Variants in SLC30A9 observed in about 807,000 individuals in gnomAD.
The protein encoded by SLC30A9 is solute carrier family 30 member 9, also known as proton-coupled zinc antiporter SLC30A9, mitochondrial.
A neutral mutation model predicts 87.5 loss-of-function variants in SLC30A9; 58 were observed. That is an observed-to-expected ratio of 0.66 (90% CI 0.54 to 0.82). The LOEUF is 0.82. Ranked by LOEUF, SLC30A9 falls within the 40% of genes least tolerant of loss-of-function variation. The pLI, the probability that SLC30A9 is intolerant of heterozygous loss-of-function variation, is 0.00. For synonymous variants in SLC30A9, 234 were observed against 233.0 expected (o/e 1.00, Z -0.04); for missense variants, 557 against 679.1 (o/e 0.82, Z 2.00).
Position 42,062,968 on chromosome 4 carries a change from T to C in SLC30A9, c.897-18T>C. Reference sequence around the variant, plus strand: ...CCATTTGTATTTCTTGCGAACTATATTCTTTTCTATTTTTCAGGTACGGAT... The same window carrying C: ...CCATTTGTATTTCTTGCGAACTATACTCTTTTCTATTTTTCAGGTACGGAT... On this transcript the variant is annotated intron_variant, in intron 10 of 17. Transcript: ENST00000264451. The C allele has an allele frequency of 1.2e-6, 2 of 1,605,354 alleles. No individual in the cohort carries two copies. The highest frequency in any genetic ancestry group is 1.7e-6 in the Non-Finnish European group (2 of 1,175,080).
chr4:42,074,530 C>A (rs1294816107), intron 15 of SLC30A9, among the ~76,000 whole-genome samples: 1 of 152,094 alleles, frequency 6.6e-6, no homozygotes, highest in Non-Finnish European at 1.5e-5. Flanking sequence ...ATCTGCTTTC[C>A]TGTCTGGGAG....
At position 42,075,688 on chromosome 4, in the gene SLC30A9, G is replaced by A. The variant is rs2153141032; in HGVS notation, c.1450G>A (p.Gly484Arg). Reference sequence around the variant, plus strand: ...TCATGATGTTAAAGCCACAGATCTGGGATTAGGTAAAGTAAGATTTAAGGC... The same window carrying A: ...TCATGATGTTAAAGCCACAGATCTGAGATTAGGTAAAGTAAGATTTAAGGC... ...AIHDVKATDL[G>R]LGKVRFKAEV... Residue 484 changes from glycine (G) to arginine (R), a missense_variant, in exon 16 of 18, where the codon GGA becomes AGA. Transcript: ENST00000264451. 6.2e-7 allele frequency: 1 copy of A among 1,613,620 alleles called. No individual in the cohort carries two copies. Among genetic ancestry groups the A allele is most frequent in the Non-Finnish European group, 8.5e-7 (1 of 1,179,794 alleles).
chr4:42,031,495 T>G (rs1427560544), intron 6 of SLC30A9, among the ~76,000 whole-genome samples: 1 of 152,260 alleles, frequency 6.6e-6, no homozygotes, highest in Non-Finnish European at 1.5e-5. Context: ...CATAGAATTC[T>G]ATAAATGCTT....
chr4:42,037,205 A>G (rs891476344), intron 7 of SLC30A9, among the ~76,000 whole-genome samples: 34 of 146,302 alleles, frequency 2.3e-4, no homozygotes, highest in Non-Finnish European at 4.2e-4. Flanking sequence ...TCTAAAACAT[A>G]GGGCTAATCC....
intron 6 of SLC30A9, among the ~76,000 whole-genome samples, chr4:42,026,103 T>G (rs1716181616): frequency 6.6e-6 from 1 of 152,234 alleles, no homozygotes; most frequent in Non-Finnish European, 1.5e-5. Context: ...TAGCCAGGAC[T>G]ACAGGTGTGT....
At position 42,090,389 on chromosome 4, in the gene SLC30A9, A is replaced by G. The variant is rs1474205467; in HGVS notation, c.*4263A>G. ...ATTTCATCTGTCTGATTTCCCTGGC[A>G]CATTAAGATGGTCCTGGTCCCTCAG... On this transcript the variant is annotated 3_prime_UTR_variant, in exon 18 of 18. Transcript: ENST00000264451. 1.3e-5 allele frequency: 2 copies of G among 152,228 alleles called. No individual in the cohort carries two copies. Among genetic ancestry groups the G allele is most frequent in the Non-Finnish European group, 2.9e-5 (2 of 68,032 alleles). 9.4% of individuals were successfully genotyped at this position (152,228 alleles called of 1,614,324 possible).
Position 42,087,720 on chromosome 4 carries a change from A to G in SLC30A9, c.*1594A>G, listed in dbSNP as rs986941506. On this transcript the variant is annotated 3_prime_UTR_variant, in exon 18 of 18. Transcript: ENST00000264451. The stretch of plus-strand genomic sequence containing the variant: ...ATATATAATTTGATACTCTATTCTT[A>G]CAGTTTCAAATTCCTTATCCCTTCT... The G allele has an allele frequency of 6.6e-6, 1 of 151,114 alleles. No homozygotes were observed. Among genetic ancestry groups the G allele is most frequent in the Non-Finnish European group, 1.5e-5 (1 of 67,846 alleles). The allele number at this position is 151,114 out of a possible 1,614,324, so 9.4% of individuals were successfully genotyped here.
At chr4:42,081,681 G>C (rs1407781505) in intron 17 of SLC30A9, among the ~76,000 whole-genome samples, 1 of 151,820 alleles carries the variant, frequency 6.6e-6, no homozygotes, top group Non-Finnish European at 1.5e-5. Context: ...CTAAATATTT[G>C]CTTTACATTT....
chr4:42,007,974 T>C (rs868214070), intron 2 of SLC30A9, among the ~76,000 whole-genome samples: 22 of 152,188 alleles, frequency 1.4e-4, no homozygotes, highest in Admixed American at 9.8e-4. Flanking sequence ...TAGTTACCCA[T>C]AGAACAAAGC....
intron 12 of SLC30A9, 89 bp from the exon 13 acceptor site, chr4:42,066,461 G>A: frequency 1.4e-6 from 1 of 719,834 alleles, no homozygotes; most frequent in Admixed American, 2.6e-5. Flanking sequence ...TTAAAATGTT[G>A]TGCTTATTTG....
intron 9 of SLC30A9, among the ~76,000 whole-genome samples, chr4:42,052,193 A>T (rs932404177): frequency 1.3e-5 from 2 of 152,142 alleles, no homozygotes; most frequent in South Asian, 4.1e-4. Flanking sequence ...ATACTTAGAG[A>T]TAAATCTAGC....
chr4:42,040,700 G>T (rs1418694872), intron 8 of SLC30A9, among the ~76,000 whole-genome samples: 1 of 150,722 alleles, frequency 6.6e-6, no homozygotes, highest in African/African-American at 2.4e-5. Context: ...AGAGGCTGAG[G>T]CAGGAGAATG....
rs1717756363 is a variant in SLC30A9 at position 42,059,410 on chromosome 4, A to G, written c.841-781A>G. ...AGTTCCAGTGGATAACTCTTTAACA[A>G]AGGGCAAAACTTTAAAAACCACCTA... On this transcript the variant is annotated intron_variant, in intron 9 of 17. Coordinates refer to ENST00000264451, the MANE Select transcript of SLC30A9 (RefSeq NM_006345.4). Among the ~76,000 whole-genome samples, 4 of 152,190 alleles carry G rather than the reference A, an allele frequency of 2.6e-5. No individual in the cohort carries two copies. In the South Asian group the frequency reaches 8.3e-4, roughly 32 times the overall value.
chr4:42,026,814 T>C (rs1451803761), intron 6 of SLC30A9, among the ~76,000 whole-genome samples: 1 of 152,112 alleles, frequency 6.6e-6, no homozygotes, highest in Non-Finnish European at 1.5e-5. Context: ...TAATCTTTCT[T>C]ACCACCCTAT....
At position 42,086,182 on chromosome 4, in the gene SLC30A9, C is replaced by A; in HGVS notation, c.*56C>A. The A allele has an allele frequency of 8.7e-7, 1 of 1,147,276 alleles. No individual in the cohort carries two copies. The highest frequency in any genetic ancestry group is 1.3e-6 in the Non-Finnish European group (1 of 793,320). The allele number at this position is 1,147,276 out of a possible 1,614,324, so 71.1% of individuals were successfully genotyped here. A position where few individuals can be genotyped will look rare whatever the true frequency, so the allele number is the denominator to read the frequency against. On this transcript the variant is annotated 3_prime_UTR_variant, in exon 18 of 18. Transcript: ENST00000264451. ...CCTTGGAAACAAGTTTGTCCGTCCA[C>A]TCTACAAAGTTTCCTCCTCTCCTAC...
intron 15 of SLC30A9, among the ~76,000 whole-genome samples, chr4:42,074,427 A>T (rs1463011033): frequency 6.6e-6 from 1 of 152,220 alleles, no homozygotes; most frequent in Non-Finnish European, 1.5e-5. Context: ...TACAGTGATC[A>T]CTGTAGAAAG....
intron 12 of SLC30A9, 53 bp from the exon 13 acceptor site, chr4:42,066,497 A>G: frequency 8.5e-7 from 1 of 1,169,898 alleles, no homozygotes; most frequent in Non-Finnish European, 1.2e-6. Context: ...GCCATCTTTA[A>G]AGTTTGGAGG....
rs1416234012 is a variant in SLC30A9 at position 42,086,618 on chromosome 4, T to TA, written c.*493dup. Reference sequence around the variant, plus strand: ...CTCCGTTTCAAAGTCTGTCTTTCCTTATAGAATGTGGAAATTATTTCTCCA... The same window carrying TA: ...CTCCGTTTCAAAGTCTGTCTTTCCTTAATAGAATGTGGAAATTATTTCTCCA... On this transcript the variant is annotated 3_prime_UTR_variant, in exon 18 of 18. Coordinates refer to ENST00000264451, the MANE Select transcript of SLC30A9 (RefSeq NM_006345.4). 2 of 152,718 alleles carry TA rather than the reference T, an allele frequency of 1.3e-5. No homozygotes were observed. Among genetic ancestry groups the TA allele is most frequent in the Non-Finnish European group, 2.9e-5 (2 of 68,088 alleles). 9.5% of individuals were successfully genotyped at this position (152,718 alleles called of 1,614,324 possible). A position where few individuals can be genotyped will look rare whatever the true frequency, so the allele number is the denominator to read the frequency against.
intron 1 of SLC30A9, among the ~76,000 whole-genome samples, chr4:41,997,257 T>C (rs1714761510): frequency 6.6e-6 from 1 of 152,032 alleles, no homozygotes; most frequent in Non-Finnish European, 1.5e-5. Context: ...GGTCACACTT[T>C]TGCTTGCTAC....
Sources: allele counts gnomAD v4.1 joint callset (sites outside exome capture counted in the v4.1 genomes callset), GRCh38; gene constraint gnomAD v4.1.1; transcripts MANE v1.5; gene names NCBI Gene and HGNC (gene_info 2026-07-23, HGNC 2026-07-21).